Variants in MAP3K21 observed in about 807,000 individuals in gnomAD.
MAP3K21 encodes mitogen-activated protein kinase kinase kinase MLK4.
In MAP3K21, 63 loss-of-function variants were observed where a neutral mutation model predicts 86.1. The ratio of observed to expected loss-of-function variants is 0.73; its 90% CI spans 0.60 to 0.90. The LOEUF is 0.90. MAP3K21 is among the 40% of genes least tolerant of loss of function. The pLI, the probability that MAP3K21 is intolerant of heterozygous loss-of-function variation, is 0.00. For synonymous variants in MAP3K21, 558 were observed against 564.8 expected, an observed-to-expected ratio of 0.99 and a Z score of 0.17; for missense variants, 1,220 against 1,367.7, an observed-to-expected ratio of 0.89 and a Z score of 1.70.
intron 2 of MAP3K21, among the ~76,000 whole-genome samples, chr1:233,352,029 T>C (rs1356378952): frequency 6.6e-6 from 1 of 152,050 alleles, no homozygotes; most frequent in Non-Finnish European, 1.5e-5. Flanking sequence ...GCTGGGACTA[T>C]AAGCACCTGC....
At position 233,376,051 on chromosome 1, in the gene MAP3K21, C is replaced by G. The variant is rs1210934083; in HGVS notation, c.1811C>G (p.Thr604Arg). Reference protein sequence around the residue: ...GPNSIQMKDRTDCKERIRPLS... With the variant: ...GPNSIQMKDRRDCKERIRPLS... ...AATTCCATTCAAATGAAAGATAGAA[C>G]AGATTGCAAAGAAAGGTACGTGTGT... Residue 604 changes from threonine (T) to arginine (R), a missense_variant, in exon 7 of 10, where the codon ACA becomes AGA. Coordinates refer to ENST00000366624, the MANE Select transcript of MAP3K21 (RefSeq NM_032435.3). 1 of 1,603,664 alleles carries G rather than the reference C, an allele frequency of 6.2e-7. No individual in the cohort carries two copies. Among genetic ancestry groups the G allele is most frequent in the East Asian group, 2.2e-5 (1 of 44,598 alleles).
At position 233,328,516 on chromosome 1, in the gene MAP3K21, C is replaced by T; in HGVS notation, c.488C>T (p.Ala163Val). The stretch of plus-strand genomic sequence containing the variant: ...CAGGACCCGGAGCAGGACGCGGCGG[C>T]GGCTGCCGAGAGCGTGCGGCGCGAG... The part of the protein sequence containing the change: ...ARQDPEQDAA[A>V]AAESVRREAR... The change falls in exon 1 of 10, where the codon GCG becomes GTG. Residue 163 changes from alanine (A) to valine (V), a missense_variant. By Grantham distance (64) the Ala-to-Val change is moderately conservative. Coordinates refer to ENST00000366624, the MANE Select transcript of MAP3K21 (RefSeq NM_032435.3). This position sits in a 1 kb window ranked among gnomAD's most constrained non-coding sequence, Gnocchi z 8.7. The T allele has an allele frequency of 6.6e-7, 1 of 1,526,558 alleles. No individual in the cohort carries two copies. The highest frequency in any genetic ancestry group is 2.0e-5 in the Admixed American group (1 of 51,072). The allele number at this position is 1,526,558 out of a possible 1,614,324, so 94.6% of individuals were successfully genotyped here. A position where few individuals can be genotyped will look rare whatever the true frequency, so the allele number is the denominator to read the frequency against.
In MAP3K21 at chr1:233,382,669, C is replaced by A; in HGVS notation, c.3069C>A (p.Ser1023Arg). 1 of 1,614,052 alleles carries A rather than the reference C, an allele frequency of 6.2e-7. No individual in the cohort carries two copies. ...TGTGCAGAATGAGGAGCAAAACCAG[C>A]CGGCCATCTATATATGAACTGGAGA... ...VPLCRMRSKT[S>R]RPSIYELEKE... is the part of the protein sequence containing the mutation. The change falls in exon 10 of 10, where the codon AGC becomes AGA. Residue 1023 changes from serine (S) to arginine (R), a missense_variant. Coordinates refer to ENST00000366624, the MANE Select transcript of MAP3K21 (RefSeq NM_032435.3).
chr1:233,357,308 A>C (rs1225066544), intron 4 of MAP3K21, among the ~76,000 whole-genome samples: 1 of 152,136 alleles, frequency 6.6e-6, no homozygotes, highest in Non-Finnish European at 1.5e-5. Flanking sequence ...AATGTAAATG[A>C]TGAGTTAATG....
intron 5 of MAP3K21, among the ~76,000 whole-genome samples, chr1:233,370,382 C>T (rs1663659503): frequency 1.3e-5 from 2 of 152,142 alleles, no homozygotes; most frequent in Admixed American, 6.5e-5. Flanking sequence ...AGTTTGCTAA[C>T]TCCATAACCT....
chr1:233,343,470 A>T (rs1474227814), intron 1 of MAP3K21, among the ~76,000 whole-genome samples: 1 of 152,286 alleles, frequency 6.6e-6, no homozygotes, highest in Non-Finnish European at 1.5e-5. Context: ...CCTAGACTGC[A>T]TGCATTTCCT....
At chr1:233,368,656 TAA>T (rs35334557) in intron 5 of MAP3K21, among the ~76,000 whole-genome samples, 4 of 147,040 alleles carry the variant, frequency 2.7e-5, no homozygotes, top group Admixed American at 6.8e-5. Flanking sequence ...ATCTTGTCTT[TAA>T]AAAAAAAAAA....
chr1:233,377,068 C>T (rs533602203), intron 8 of MAP3K21, among the ~76,000 whole-genome samples: 49 of 151,878 alleles, frequency 3.2e-4, no homozygotes, highest in Admixed American at 1.5e-3. Context: ...GCATGCCAGC[C>T]TGGACAATAG....
In MAP3K21 at chr1:233,328,671, G is replaced by A. The variant is rs980182098; in HGVS notation, c.643G>A (p.Ala215Thr). The change falls in exon 1 of 10, where the codon GCC (alanine) becomes ACC (threonine). Residue 215 changes from alanine to threonine, a missense_variant. Around this residue, in one of 5 missense-constraint regions of MAP3K21, gnomAD observed 369 missense variants for 385.3 expected, o/e 0.96. Coordinates refer to ENST00000366624, the MANE Select transcript of MAP3K21 (RefSeq NM_032435.3). This position sits in a 1 kb window ranked among gnomAD's most constrained non-coding sequence, Gnocchi z 8.7. ...AGCGCTCAACCGAGCGCTGGCCGCT[G>A]CCAACGCCGCCCCGGACCCGCGCGC... ...GGALNRALAAANAAPDPRAPG... is the reference protein window; with the variant it reads ...GGALNRALAATNAAPDPRAPG... 2 of 1,332,354 alleles carry A rather than the reference G, an allele frequency of 1.5e-6. No homozygotes were observed. Among genetic ancestry groups the A allele is most frequent in the Non-Finnish European group, 9.6e-7 (1 of 1,043,840 alleles). The allele number at this position is 1,332,354 out of a possible 1,614,324, so 82.5% of individuals were successfully genotyped here. A position where few individuals can be genotyped will look rare whatever the true frequency, so the allele number is the denominator to read the frequency against.
At chr1:233,357,921 G>T (rs1572249105) in intron 4 of MAP3K21, among the ~76,000 whole-genome samples, 1 of 152,296 alleles carries the variant, frequency 6.6e-6, no homozygotes. Flanking sequence ...TTGGGTGACT[G>T]CCTGTTTCCT....
At chr1:233,341,235 A>G (rs1663034573) in intron 1 of MAP3K21, among the ~76,000 whole-genome samples, 1 of 152,186 alleles carries the variant, frequency 6.6e-6, no homozygotes, top group Non-Finnish European at 1.5e-5. Context: ...CAGCTAGTGC[A>G]CTGTGGTTCT....
intron 6 of MAP3K21, among the ~76,000 whole-genome samples, chr1:233,375,618 A>G (rs1422925425): frequency 6.6e-6 from 1 of 152,206 alleles, no homozygotes; most frequent in African/African-American, 2.4e-5. Context: ...CCCAATTACA[A>G]TGAAATCCTA....
rs1335074997 is a variant in MAP3K21, at chr1:233,328,248, G to T, written c.220G>T (p.Val74Leu). The change falls in exon 1 of 10, where the codon GTG becomes TTG. Residue 74 changes from valine (V) to leucine (L), a missense_variant. By Grantham distance (32) the Val-to-Leu change is conservative. This residue lies in a region of MAP3K21 where 369 missense variants were observed against 385.3 expected (regional missense o/e 0.96). Coordinates refer to ENST00000366624, the MANE Select transcript of MAP3K21 (RefSeq NM_032435.3). This position sits in a 1 kb window ranked among gnomAD's most constrained non-coding sequence, Gnocchi z 8.7. ...GGAGGTGCTGTCGCAGGACGCCGCC[G>T]TGTCGGGCGACGAGGGCTGGTGGGC... ...LVEVLSQDAA[V>L]SGDEGWWAGQ... The T allele has an allele frequency of 4.0e-6, 6 of 1,489,930 alleles. No individual in the cohort carries two copies. The African/African-American group carries it at 7.3e-5, about 18-fold the overall frequency. 92.3% of individuals were successfully genotyped at this position (1,489,930 alleles called of 1,614,324 possible). A position where few individuals can be genotyped will look rare whatever the true frequency, so the allele number is the denominator to read the frequency against.
chr1:233,327,857 A>G lies in MAP3K21; in HGVS notation c.-172A>G. Reference sequence around the variant, plus strand: ...GGCGGCTGGCCAGGAACGCGGGCCGAGGCTGGACCCTTTGGGCAGCTAGCC... The same window carrying G: ...GGCGGCTGGCCAGGAACGCGGGCCGGGGCTGGACCCTTTGGGCAGCTAGCC... On this transcript the variant is annotated 5_prime_UTR_variant, in exon 1 of 10. Transcript: ENST00000366624. 2.2e-6 allele frequency: 1 copy of G among 454,744 alleles called. No individual in the cohort carries two copies. The highest frequency in any genetic ancestry group is 3.5e-6 in the Non-Finnish European group (1 of 287,004). 28.2% of individuals were successfully genotyped at this position (454,744 alleles called of 1,614,324 possible).
At chr1:233,333,801 A>G (rs1386559640) in intron 1 of MAP3K21, among the ~76,000 whole-genome samples, 1 of 152,186 alleles carries the variant, frequency 6.6e-6, no homozygotes, top group Non-Finnish European at 1.5e-5. Context: ...TTTTCACACT[A>G]GCATTTAAGT....
intron 5 of MAP3K21, among the ~76,000 whole-genome samples, chr1:233,363,230 A>G (rs1230288119): frequency 6.6e-6 from 1 of 152,184 alleles, no homozygotes; most frequent in Non-Finnish European, 1.5e-5. Context: ...GTGTTTTCCT[A>G]AGATGTTTGT....
At chr1:233,353,689 T>G in intron 2 of MAP3K21, 118 bp from the exon 3 acceptor site, 1 of 974,782 alleles carries the variant, frequency 1.0e-6, no homozygotes, top group East Asian at 2.9e-5. Flanking sequence ...GGGGCTTTTC[T>G]GGAATAGAGT....
chr1:233,378,504 T>TG (rs1663841005), intron 8 of MAP3K21, among the ~76,000 whole-genome samples: 1 of 152,142 alleles, frequency 6.6e-6, no homozygotes, highest in Non-Finnish European at 1.5e-5. Context: ...TACAGAACAG[T>TG]TAGTTTATAC....
At chr1:233,345,510 C>T (rs1048167745) in intron 1 of MAP3K21, among the ~76,000 whole-genome samples, 5 of 150,822 alleles carry the variant, frequency 3.3e-5, no homozygotes, top group Admixed American at 6.6e-5. Context: ...CATATTCTCA[C>T]TCATAGGTGG....
Sources: allele counts gnomAD v4.1 joint callset (sites outside exome capture counted in the v4.1 genomes callset), GRCh38; gene constraint gnomAD v4.1.1; regional missense constraint gnomAD v4.1.1; non-coding constraint Gnocchi (gnomAD v3.1); transcripts MANE v1.5; gene names NCBI Gene and HGNC (gene_info 2026-07-23, HGNC 2026-07-21).